Variants in P2RY12 observed in about 807,000 individuals in gnomAD.
The protein encoded by P2RY12 is P2Y purinoceptor 12.
In P2RY12, 3 loss-of-function variants were observed where a neutral mutation model predicts 4.5. That is an observed-to-expected ratio of 0.67 (90% CI 0.31 to 1.74). The LOEUF (loss-of-function observed/expected upper bound fraction) is 1.74, where lower values mean the gene tolerates loss of function less well. Among genes scored for constraint, P2RY12 ranks in the 40% most tolerant of loss-of-function variants. The pLI is 0.09. For missense variants in P2RY12, 356 were observed against 407.8 expected (o/e 0.87, Z 1.09); for synonymous variants, 148 against 154.1 (o/e 0.96, Z 0.29).
rs189523190 is a variant in P2RY12 at position 151,339,402 on chromosome 3, G to T, written c.-14-543C>A. Among the ~76,000 whole-genome samples the T allele has an allele frequency of 2.0e-3, 296 of 145,572 alleles. 4 individuals carry two copies. The highest frequency in any genetic ancestry group is 6.0e-4 in the East Asian group (3 of 5,002). The stretch of plus-strand genomic sequence containing the variant: ...GAAATTGATGGAAAATTACTCTTGG[G>T]AAACTTATTAAATAAAATACTGAAT... On this transcript the variant is annotated intron_variant, in intron 2 of 2. Coordinates refer to ENST00000302632, the MANE Select transcript of P2RY12 (RefSeq NM_022788.5).
intron 2 of P2RY12, among the ~76,000 whole-genome samples, chr3:151,339,272 A>T (rs901280093): frequency 6.6e-6 from 1 of 151,930 alleles, no homozygotes; most frequent in Non-Finnish European, 1.5e-5. Context: ...TTTCCCCCCA[A>T]CGTCCTTATT....
Position 151,338,344 on chromosome 3 carries a change from T to C in P2RY12, c.502A>G (p.Arg168Gly), listed in dbSNP as rs2149932575. Residue 168 changes from arginine to glycine, a missense_variant, in exon 3 of 3, where the codon AGA (arginine) becomes GGA (glycine). By Grantham distance (125) the Arg-to-Gly change is moderately radical. Coordinates refer to ENST00000302632, the MANE Select transcript of P2RY12 (RefSeq NM_022788.5). ...GAGCATTTCTTCACATTCTTGTCTC[T>C]CGGCTGCCTGTTGGTCAGAATCATG... is the stretch of plus-strand genomic sequence containing the variant. ...PNMILTNRQPRDKNVKKCSFL... is the reference protein window; with the variant it reads ...PNMILTNRQPGDKNVKKCSFL... The C allele has an allele frequency of 6.2e-7, 1 of 1,614,144 alleles. No homozygotes were observed. Among genetic ancestry groups the C allele is most frequent in the East Asian group, 2.2e-5 (1 of 44,874 alleles).
At chr3:151,368,061 T>G (rs1275125312) in intron 1 of P2RY12, 2 of 1,073,746 alleles carry the variant, frequency 1.9e-6, no homozygotes, top group Admixed American at 2.4e-5. Context: ...TTTAAATAAT[T>G]ATTCCAGGAA....
intron 1 of P2RY12, among the ~76,000 whole-genome samples, chr3:151,364,524 G>A (rs868107611): frequency 7.9e-5 from 12 of 152,114 alleles, no homozygotes; most frequent in African/African-American, 1.9e-4. Flanking sequence ...CTTGGCACAC[G>A]AACTTCTACT....
chr3:151,380,119 T>C (rs775364158), intron 1 of P2RY12: 5 of 1,585,704 alleles, frequency 3.2e-6, no homozygotes, highest in Non-Finnish European at 4.3e-6. Context: ...GTAGTATGTC[T>C]CTTTTGAGTC....
Position 151,375,925 on chromosome 3 carries a change from A to T in P2RY12, c.-180+8767T>A, listed in dbSNP as rs942853137. On this transcript the variant is annotated intron_variant, in intron 1 of 2. Coordinates refer to ENST00000302632, the MANE Select transcript of P2RY12 (RefSeq NM_022788.5). Reference sequence around the variant, plus strand: ...TAATTTTTTAAATTGGAAAATTCCTATCAGTTTTCTATTCAATTATGCACT... The same window carrying T: ...TAATTTTTTAAATTGGAAAATTCCTTTCAGTTTTCTATTCAATTATGCACT... 6.5e-6 allele frequency: 4 copies of T among 619,218 alleles called. No homozygotes were observed. The South Asian group carries it at 2.8e-4, about 43-fold the overall frequency. The allele number at this position is 619,218 out of a possible 1,614,324, so 38.4% of individuals were successfully genotyped here.
At chr3:151,348,159 T>C (rs1478668251) in intron 1 of P2RY12, among the ~76,000 whole-genome samples, 2 of 152,220 alleles carry the variant, frequency 1.3e-5, no homozygotes, top group Admixed American at 1.3e-4. Context: ...TATAAACAGT[T>C]ACTGAATAAC....
chr3:151,340,060 G>T (rs964258447), intron 2 of P2RY12, among the ~76,000 whole-genome samples: 1 of 152,070 alleles, frequency 6.6e-6, no homozygotes. Flanking sequence ...GAAGGAAAAC[G>T]ATTAAGAATC....
intron 1 of P2RY12, among the ~76,000 whole-genome samples, chr3:151,343,748 G>A (rs1306527592): frequency 3.6e-5 from 2 of 56,116 alleles, no homozygotes; most frequent in African/African-American, 8.5e-5. Flanking sequence ...ACTTTTAAGT[G>A]GCTTAACTGG....
At chr3:151,383,968 C>A in intron 1 of P2RY12, 2 of 1,479,876 alleles carry the variant, frequency 1.4e-6, no homozygotes, top group South Asian at 1.2e-5. Context: ...CGATTTCTGC[C>A]ACATCTTATT....
chr3:151,349,868 T>A (rs956578493), intron 1 of P2RY12, among the ~76,000 whole-genome samples: 8 of 151,376 alleles, frequency 5.3e-5, no homozygotes, highest in African/African-American at 9.7e-5. Flanking sequence ...TTTTTTTTTT[T>A]ATAATGTTAG....
intron 1 of P2RY12, among the ~76,000 whole-genome samples, chr3:151,342,748 A>T (rs971229335): frequency 1.3e-5 from 2 of 152,206 alleles, no homozygotes; most frequent in African/African-American, 4.8e-5. Context: ...TGTTATTTTT[A>T]AATATGACTA....
At position 151,338,322 on chromosome 3, in the gene P2RY12, C is replaced by G; in HGVS notation, c.524G>C (p.Cys175Ser). 6.2e-7 allele frequency: 1 copy of G among 1,614,056 alleles called. No homozygotes were observed. ...RQPRDKNVKK[C>S]SFLKSEFGLV... ...ACCGAACTCTGATTTAAGGAAAGAGCATTTCTTCACATTCTTGTCTCTCGG... is the reference window on the plus strand; with the variant it reads ...ACCGAACTCTGATTTAAGGAAAGAGGATTTCTTCACATTCTTGTCTCTCGG... Residue 175 changes from cysteine to serine, a missense_variant, in exon 3 of 3, where the codon TGC becomes TCC. Transcript: ENST00000302632.
intron 1 of P2RY12, among the ~76,000 whole-genome samples, chr3:151,374,128 A>G (rs1365989756): frequency 6.6e-6 from 1 of 152,150 alleles, no homozygotes; most frequent in South Asian, 2.1e-4. Context: ...AAAAACGTCA[A>G]TTTACTTGTT....
intron 1 of P2RY12, chr3:151,369,465 T>C (rs1407023255): frequency 2.5e-6 from 4 of 1,609,918 alleles, no homozygotes; most frequent in South Asian, 1.1e-5. Flanking sequence ...AAGATCATCT[T>C]GTGATAGACA....
chr3:151,384,379 G>T (rs1712941239), intron 1 of P2RY12, among the ~76,000 whole-genome samples: 1 of 152,096 alleles, frequency 6.6e-6, no homozygotes, highest in South Asian at 2.1e-4. Flanking sequence ...GTACCCAGAA[G>T]TTACATGCAC....
intron 1 of P2RY12, chr3:151,355,782 G>A (rs944040102): frequency 2.5e-5 from 21 of 853,312 alleles, no homozygotes; most frequent in African/African-American, 1.0e-4. Flanking sequence ...TTTGACTTTC[G>A]TCAAAGTAGA....
At chr3:151,371,628 G>A (rs1756198852) in intron 1 of P2RY12, among the ~76,000 whole-genome samples, 1 of 151,912 alleles carries the variant, frequency 6.6e-6, no homozygotes, top group Admixed American at 6.6e-5. Flanking sequence ...CCATTAACTT[G>A]GGCATTGTTT....
At chr3:151,377,160 G>T (rs1560099984) in intron 1 of P2RY12, 1 of 1,610,030 alleles carries the variant, frequency 6.2e-7, no homozygotes, top group Non-Finnish European at 8.5e-7. Context: ...AGACAGAATG[G>T]AATAAAGACA....
Sources: gnomAD v4.1 joint callset for allele counts (sites outside exome capture counted in the v4.1 genomes callset) on GRCh38, gnomAD v4.1.1 for gene constraint, MANE v1.5 for transcripts, NCBI Gene and HGNC (gene_info 2026-07-23, HGNC 2026-07-21) for gene names.